Variants in LTA4H observed in about 807,000 individuals in gnomAD.
The protein encoded by LTA4H is leukotriene A4 hydrolase.
In LTA4H, 59 loss-of-function variants were observed where a neutral mutation model predicts 89.8. The observed-to-expected ratio is 0.66, with a 90% CI of 0.53 to 0.82. LTA4H has a LOEUF of 0.82. Ranked by LOEUF, LTA4H falls within the 40% of genes least tolerant of loss-of-function variation. The pLI is 0.00. For missense variants in LTA4H, 617 were observed against 727.0 expected (o/e 0.85, Z 1.74); for synonymous variants, 227 against 253.1 (o/e 0.90, Z 0.98).
intron 15 of LTA4H, among the ~76,000 whole-genome samples, chr12:96,008,847 A>G (rs1950249612): frequency 6.6e-6 from 1 of 152,124 alleles, no homozygotes; most frequent in South Asian, 2.1e-4. Context: ...TGAGCCCAGG[A>G]GGTTGAGGCT....
At position 96,029,185 on chromosome 12, in the gene LTA4H, C is replaced by A; in HGVS notation, c.160G>T (p.Val54Phe). Residue 54 changes from valine to phenylalanine, a missense_variant and splice_region_variant, in exon 2 of 19, where the codon GTT (valine) becomes TTT (phenylalanine). Around this residue, in one of 3 missense-constraint regions of LTA4H, gnomAD observed 155 missense variants for 143.3 expected, o/e 1.08. Coordinates refer to ENST00000228740, the MANE Select transcript of LTA4H (RefSeq NM_000895.3). ...QSQEDNLRSL[V>F]LDTKDLTIEK... ...ATTGTAAGGTCCTTTGTATCCAAAA[C>A]CTAAAATTAATATTTTTAAATAGTA... The A allele has an allele frequency of 6.7e-7, 1 of 1,490,264 alleles. No individual in the cohort carries two copies. The highest frequency in any genetic ancestry group is 1.3e-5 in the South Asian group (1 of 78,744). The allele number at this position is 1,490,264 out of a possible 1,614,324, so 92.3% of individuals were successfully genotyped here.
chr12:96,023,362 T>G (rs1950476205), intron 4 of LTA4H, among the ~76,000 whole-genome samples: 1 of 152,166 alleles, frequency 6.6e-6, no homozygotes, highest in African/African-American at 2.4e-5. Flanking sequence ...GTCATAAAAC[T>G]TGTTCAAGTG....
In LTA4H at chr12:96,003,833, T is replaced by C; in HGVS notation, c.1613+5A>G. 2 of 1,596,896 alleles carry C rather than the reference T, an allele frequency of 1.3e-6. No homozygotes were observed. Among genetic ancestry groups the C allele is most frequent in the Non-Finnish European group, 1.7e-6 (2 of 1,167,604 alleles). ...CTTCCACAGAGACAAGTTAAAATGA[T>C]GTACCTGAATCGTATTTCAGAATTG... On this transcript the variant is annotated splice_donor_5th_base_variant and intron_variant, in intron 17 of 18. Coordinates refer to ENST00000228740, the MANE Select transcript of LTA4H (RefSeq NM_000895.3).
At chr12:96,003,947 G>T in intron 16 of LTA4H, 27 bp from the exon 17 acceptor site, 2 of 1,414,402 alleles carry the variant, frequency 1.4e-6, no homozygotes, top group Non-Finnish European at 2.0e-6. Flanking sequence ...GAAGTATACC[G>T]TATCATTTCA....
At chr12:96,028,289 AT>A (rs1028757268) in intron 2 of LTA4H, among the ~76,000 whole-genome samples, 1 of 152,118 alleles carries the variant, frequency 6.6e-6, no homozygotes, top group African/African-American at 2.4e-5. Flanking sequence ...TGGGGAAATT[AT>A]TTGACCTCCC....
intron 8 of LTA4H, among the ~76,000 whole-genome samples, chr12:96,017,995 T>G (rs1418657092): frequency 6.6e-6 from 1 of 152,184 alleles, no homozygotes; most frequent in African/African-American, 2.4e-5. Context: ...CATCACTCAT[T>G]TTGGTTCTAA....
In LTA4H at chr12:96,024,534, C is replaced by A; in HGVS notation, c.425G>T (p.Arg142Ile). ...LFSQCQAIHCRAILPCQDTPS... is the reference protein window; with the variant it reads ...LFSQCQAIHCIAILPCQDTPS... ...AGTGTCCTGACAAGGAAGGATTGCT[C>A]TGCAGTGGATGGCCTGAAAAAGGGA... is the stretch of plus-strand genomic sequence containing the variant. Residue 142 changes from arginine (R) to isoleucine (I), a missense_variant, in exon 4 of 19, where the codon AGA becomes ATA. This residue lies in a region of LTA4H where 172 missense variants were observed against 244.5 expected (regional missense o/e 0.70). Transcript: ENST00000228740. 1 of 1,610,768 alleles carries A rather than the reference C, an allele frequency of 6.2e-7. No homozygotes were observed. Among genetic ancestry groups the A allele is most frequent in the South Asian group, 1.1e-5 (1 of 90,982 alleles).
At chr12:96,015,220 G>T in intron 11 of LTA4H, 1 of 494,826 alleles carries the variant, frequency 2.0e-6, no homozygotes, top group Non-Finnish European at 3.5e-6. Flanking sequence ...CAATAATACA[G>T]GCTTTATTCT....
Position 96,013,209 on chromosome 12 carries a change from C to A in LTA4H, c.1358G>T (p.Gly453Val), listed in dbSNP as rs371247528. ...TTACTTGGGCTTTATGGGAGGCAGTCCAGGAGAGTAGAGCCAGGCATTCCA... is the reference window on the plus strand; with the variant it reads ...TTACTTGGGCTTTATGGGAGGCAGTACAGGAGAGTAGAGCCAGGCATTCCA... ...VDWNAWLYSP[G>V]LPPIKPNYDM... Residue 453 changes from glycine (G) to valine (V), a missense_variant, in exon 14 of 19, where the codon GGA (glycine) becomes GTA (valine). By Grantham distance (109) the Gly-to-Val change is moderately radical. Coordinates refer to ENST00000228740, the MANE Select transcript of LTA4H (RefSeq NM_000895.3). The A allele has an allele frequency of 6.2e-7, 1 of 1,613,578 alleles. No individual in the cohort carries two copies.
chr12:96,041,644 AGTT>A (rs928716232), intron 1 of LTA4H, among the ~76,000 whole-genome samples: 3 of 151,810 alleles, frequency 2.0e-5, no homozygotes, highest in East Asian at 1.9e-4. Flanking sequence ...ATAAACCCCC[AGTT>A]GTTGTTGTTT....
intron 18 of LTA4H, among the ~76,000 whole-genome samples, chr12:96,002,320 A>C (rs1487691365): frequency 6.6e-6 from 1 of 152,238 alleles, no homozygotes; most frequent in East Asian, 1.9e-4. Context: ...ATGATATTAT[A>C]TGGCCATCAC....
intron 11 of LTA4H, 55 bp from the exon 12 acceptor site, chr12:96,015,054 C>G (rs1466431999): frequency 2.0e-6 from 3 of 1,533,672 alleles, no homozygotes; most frequent in African/African-American, 1.4e-5. Flanking sequence ...TATCACCACG[C>G]AAATAAGCTA....
chr12:96,035,123 TG>T (rs997189640), intron 1 of LTA4H, among the ~76,000 whole-genome samples: 3 of 149,886 alleles, frequency 2.0e-5, no homozygotes, highest in African/African-American at 4.9e-5. Flanking sequence ...TACGTATAAG[TG>T]GGGGCTGAGG....
rs1467124108 is a variant in LTA4H at position 96,003,922 on chromosome 12, TAAGAGC to T, written c.1531-8_1531-3del. On this transcript the variant is annotated splice_polypyrimidine_tract_variant and splice_region_variant and intron_variant, in intron 16 of 18. Coordinates refer to ENST00000228740, the MANE Select transcript of LTA4H (RefSeq NM_000895.3). Reference sequence around the variant, plus strand: ...TATGTGCCCCAATGGAAGAGGTGCCTAAGAGCAAAATAAAGAAGTATACCGTATCAT... The same window carrying T: ...TATGTGCCCCAATGGAAGAGGTGCCTAAAATAAAGAAGTATACCGTATCAT... 6.3e-7 allele frequency: 1 copy of T among 1,596,558 alleles called. No homozygotes were observed. The highest frequency in any genetic ancestry group is 8.6e-7 in the Non-Finnish European group (1 of 1,167,950).
At chr12:96,009,605 G>A (rs1224292842) in intron 14 of LTA4H, 1 of 158,970 alleles carries the variant, frequency 6.3e-6, no homozygotes, top group Non-Finnish European at 1.4e-5. Context: ...AATTGGCACC[G>A]TTCTAGATGC....
Position 96,022,101 on chromosome 12 carries a change from T to C in LTA4H, c.585+46A>G. On this transcript the variant is annotated intron_variant, in intron 5 of 18. Transcript: ENST00000228740. The surrounding 1 kb of genome is among the most constrained non-coding windows in gnomAD (Gnocchi z 4.0). ...CCTCTGGATGTGTACAAGCTAACTG[T>C]AGTTTACCGCCAATGAAAACAAAAA... The C allele has an allele frequency of 8.0e-7, 1 of 1,243,742 alleles. No homozygotes were observed. 77.0% of individuals were successfully genotyped at this position (1,243,742 alleles called of 1,614,324 possible).
In LTA4H at chr12:96,024,641, A is replaced by C. The variant is rs559437877; in HGVS notation, c.412-94T>G. 732 of 793,734 alleles carry C rather than the reference A, an allele frequency of 9.2e-4. 3 individuals carry two copies. The highest frequency in any genetic ancestry group is 1.3e-3 in the Non-Finnish European group (644 of 481,750). The allele number at this position is 793,734 out of a possible 1,614,324, so 49.2% of individuals were successfully genotyped here. On this transcript the variant is annotated intron_variant, in intron 3 of 18. Transcript: ENST00000228740. ...AATTGCAGCATTGTTCTTAGACATT[A>C]AAATAAAAACAGTCCTCATTTCTTG...
chr12:96,033,748 C>A lies in LTA4H; in HGVS notation c.159+1613G>T, dbSNP rs184065322. 4.9e-3 allele frequency among the ~76,000 whole-genome samples: 751 copies of A among 152,284 alleles called. 4 individuals carry two copies. Among genetic ancestry groups the A allele is most frequent in the Non-Finnish European group, 8.0e-3 (544 of 68,020 alleles). The stretch of plus-strand genomic sequence containing the variant: ...ACAGGCCCTGGTGTGTGATGTTCCC[C>A]TCCCTGTGTCCATGTGTTCTCATTG... On this transcript the variant is annotated intron_variant, in intron 1 of 18. Coordinates refer to ENST00000228740, the MANE Select transcript of LTA4H (RefSeq NM_000895.3).
chr12:96,001,373 A>T (rs1360975840), intron 18 of LTA4H, among the ~76,000 whole-genome samples: 1 of 152,152 alleles, frequency 6.6e-6, no homozygotes, highest in African/African-American at 2.4e-5. Flanking sequence ...CTCCTTCTGT[A>T]CCAGAGACTG....
Sources: allele counts gnomAD v4.1 joint callset (sites outside exome capture counted in the v4.1 genomes callset), GRCh38; gene constraint gnomAD v4.1.1; regional missense constraint gnomAD v4.1.1; non-coding constraint Gnocchi (gnomAD v3.1); transcripts MANE v1.5; gene names NCBI Gene and HGNC (gene_info 2026-07-23, HGNC 2026-07-21).